DGKB: variants seen among roughly 807,000 people sequenced by gnomAD.
The protein encoded by DGKB is diacylglycerol kinase beta, also known as 90 kDa diacylglycerol kinase.
In DGKB, 67 loss-of-function variants were observed where a neutral mutation model predicts 114.3. The observed-to-expected ratio is 0.59, with a 90% CI of 0.48 to 0.72. The LOEUF (loss-of-function observed/expected upper bound fraction) is 0.72. DGKB is among the 30% of genes least tolerant of loss of function. DGKB has a pLI of 0.00. For missense variants in DGKB, 907 were observed against 975.2 expected, an observed-to-expected ratio of 0.93 and a Z score of 0.93; for synonymous variants, 398 against 323.1, an observed-to-expected ratio of 1.23 and a Z score of -2.49.
intron 2 of DGKB, among the ~76,000 whole-genome samples, chr7:14,782,015 T>A (rs1390979187): frequency 1.3e-5 from 2 of 152,172 alleles, no homozygotes; most frequent in Admixed American, 1.3e-4. Flanking sequence ...TTAAAAAAAA[T>A]AATTGATGGA....
chr7:14,463,385 C>T (rs1833380488), intron 21 of DGKB, among the ~76,000 whole-genome samples: 1 of 152,062 alleles, frequency 6.6e-6, no homozygotes, highest in Non-Finnish European at 1.5e-5. Context: ...CAGATTGGCT[C>T]CAAAGTCATT....
intron 1 of DGKB, among the ~76,000 whole-genome samples, chr7:14,958,477 C>CACACACACACACA (rs1562903995): frequency 4.7e-5 from 4 of 84,754 alleles, no homozygotes; most frequent in Non-Finnish European, 9.7e-5. Context: ...ACACACACAC[C>CACACACACACACA]CCGTCCAGGA....
At chr7:14,825,916 C>T (rs753219032) in intron 2 of DGKB, among the ~76,000 whole-genome samples, 10 of 152,144 alleles carry the variant, frequency 6.6e-5, no homozygotes, top group East Asian at 3.9e-4. Flanking sequence ...AACACAAACA[C>T]GGAGGTCCCT....
At chr7:14,366,355 T>C (rs571647656) in intron 21 of DGKB, among the ~76,000 whole-genome samples, 7 of 152,160 alleles carry the variant, frequency 4.6e-5, no homozygotes, top group African/African-American at 7.2e-5. Flanking sequence ...GGTAATGTTA[T>C]GCAGTACTAA....
At chr7:14,204,715 G>A (rs1786471264) in intron 23 of DGKB, among the ~76,000 whole-genome samples, 1 of 151,980 alleles carries the variant, frequency 6.6e-6, no homozygotes, top group African/African-American at 2.4e-5. Flanking sequence ...CAAGACCTGT[G>A]TTGTCACAAC....
Position 14,733,746 on chromosome 7 carries a change from T to G in DGKB, c.322+2295A>C, listed in dbSNP as rs79586349. On this transcript the variant is annotated intron_variant, in intron 5 of 25. Transcript: ENST00000402815. ...GAGAAAGAAATAAAGAAGAAAGAAA[T>G]AAAGAAGAAAGAAAGAAAGAAAGAA... 3.7e-3 allele frequency among the ~76,000 whole-genome samples: 21 copies of G among 5,602 alleles called. No homozygotes were observed. In the South Asian group the frequency reaches 0.05, roughly 13 times the overall value. 3.7% of individuals were successfully genotyped at this position (5,602 alleles called of 152,430 possible).
intron 21 of DGKB, among the ~76,000 whole-genome samples, chr7:14,380,453 T>C (rs1410999301): frequency 6.6e-6 from 1 of 152,070 alleles, no homozygotes; most frequent in African/African-American, 2.4e-5. Flanking sequence ...AATAATCACA[T>C]TGTTTTACTG....
At chr7:14,591,309 G>C (rs1456567188) in intron 17 of DGKB, among the ~76,000 whole-genome samples, 1 of 152,104 alleles carries the variant, frequency 6.6e-6, no homozygotes, top group African/African-American at 2.4e-5. Context: ...GAATGAATAA[G>C]CATGAACATT....
intron 1 of DGKB, among the ~76,000 whole-genome samples, chr7:14,849,006 T>C (rs113745058): frequency 3.3e-5 from 5 of 152,216 alleles, no homozygotes; most frequent in Admixed American, 1.3e-4. Context: ...AATTATCTGA[T>C]ATGTGTTTGC....
intron 15 of DGKB, among the ~76,000 whole-genome samples, chr7:14,618,020 A>G (rs1806873809): frequency 6.6e-6 from 1 of 151,608 alleles, no homozygotes; most frequent in South Asian, 2.1e-4. Flanking sequence ...AAAACTATAG[A>G]GTAACAATTC....
At chr7:14,168,129 A>G (rs1784873504) in intron 25 of DGKB, among the ~76,000 whole-genome samples, 1 of 152,222 alleles carries the variant, frequency 6.6e-6, no homozygotes, top group Non-Finnish European at 1.5e-5. Context: ...TAAAAAATGA[A>G]TCACTGGAAA....
intron 25 of DGKB, among the ~76,000 whole-genome samples, chr7:14,159,383 A>C (rs1338618050): frequency 6.6e-6 from 1 of 152,070 alleles, no homozygotes; most frequent in Non-Finnish European, 1.5e-5. Context: ...AACAAGATCA[A>C]ACACCTCTAT....
chr7:14,488,197 GA>G (rs1440441252), intron 20 of DGKB, among the ~76,000 whole-genome samples: 1 of 151,914 alleles, frequency 6.6e-6, no homozygotes, highest in Non-Finnish European at 1.5e-5. Flanking sequence ...TTCAAAATAT[GA>G]AAAAAATTGA....
intron 1 of DGKB, among the ~76,000 whole-genome samples, chr7:14,889,301 C>T (rs1360754945): frequency 5.9e-5 from 9 of 151,700 alleles, no homozygotes; most frequent in Non-Finnish European, 1.2e-4. Flanking sequence ...GCAATCCTCT[C>T]AGTCAGCAAA....
At chr7:14,209,786 CTG>C (rs1224715443) in intron 23 of DGKB, among the ~76,000 whole-genome samples, 1 of 151,920 alleles carries the variant, frequency 6.6e-6, no homozygotes, top group East Asian at 1.9e-4. Context: ...TTTGGCAACA[CTG>C]TTTTAGTGGA....
intron 21 of DGKB, among the ~76,000 whole-genome samples, chr7:14,405,949 G>A (rs919355575): frequency 6.6e-6 from 1 of 152,008 alleles, no homozygotes; most frequent in African/African-American, 2.4e-5. Context: ...ATTCGCAACA[G>A]CAGGGAGTTG....
At position 14,586,576 on chromosome 7, in the gene DGKB, T is replaced by C. The variant is rs543053692; in HGVS notation, c.1434-3439A>G. ...AACATAGCCTTCTAATGGAAGAAGA[T>C]GCCATCTAGCACTTTGATAGCTACA... On this transcript the variant is annotated intron_variant, in intron 17 of 25. Coordinates refer to ENST00000402815, the MANE Select transcript of DGKB (RefSeq NM_001350709.2). Among the ~76,000 whole-genome samples, 4 of 152,266 alleles carry C rather than the reference T, an allele frequency of 2.6e-5. No homozygotes were observed. The South Asian group carries it at 8.3e-4, about 32-fold the overall frequency.
intron 25 of DGKB, among the ~76,000 whole-genome samples, chr7:14,152,808 G>C (rs1204465898): frequency 1.3e-5 from 2 of 152,046 alleles, no homozygotes; most frequent in Non-Finnish European, 2.9e-5. Context: ...AGTTGTGATA[G>C]TTCCACCTCA....
chr7:14,151,729 T>C (rs1332085749), intron 25 of DGKB, among the ~76,000 whole-genome samples: 1 of 152,094 alleles, frequency 6.6e-6, no homozygotes, highest in Non-Finnish European at 1.5e-5. Context: ...GAAATCCACA[T>C]CCTTTTTGTC....
Sources: gnomAD v4.1 joint callset for allele counts (sites outside exome capture counted in the v4.1 genomes callset) on GRCh38, gnomAD v4.1.1 for gene constraint, MANE v1.5 for transcripts, NCBI Gene and HGNC (gene_info 2026-07-23, HGNC 2026-07-21) for gene names.